MTMR3: variants seen among roughly 807,000 people sequenced by gnomAD.
The protein encoded by MTMR3 is myotubularin related protein 3.
Under a neutral mutation model 132.4 loss-of-function variants are expected in MTMR3, and 32 were observed. The ratio of observed to expected loss-of-function variants is 0.24; its 90% CI spans 0.18 to 0.32. MTMR3 has a LOEUF of 0.32. MTMR3 is among the 10% of genes least tolerant of loss of function. The pLI is 1.00. For synonymous variants in MTMR3, 556 were observed against 550.3 expected (o/e 1.01, Z -0.14); for missense variants, 1,216 against 1,489.6 (o/e 0.82, Z 3.02).
chr22:30,001,210 T>TAGA (rs1315316473), intron 8 of MTMR3: 1 of 152,126 alleles, frequency 6.6e-6, no homozygotes, highest in African/African-American at 2.4e-5. Flanking sequence ...GCTAACACAG[T>TAGA]GAAACCCCGT....
At chr22:30,012,084 A>C in intron 12 of MTMR3, 1 of 296,352 alleles carries the variant, frequency 3.4e-6, no homozygotes, top group South Asian at 5.2e-5. Flanking sequence ...CCATGGACTG[A>C]AAAATGTCAA....
intron 1 of MTMR3, among the ~76,000 whole-genome samples, chr22:29,918,196 A>C (rs961468878): frequency 9.2e-5 from 14 of 152,168 alleles, no homozygotes; most frequent in African/African-American, 3.1e-4. Context: ...GGAAGTGTTG[A>C]GGGGCATCAT....
At chr22:29,955,644 T>C (rs1385413108) in intron 1 of MTMR3, among the ~76,000 whole-genome samples, 2 of 152,242 alleles carry the variant, frequency 1.3e-5, no homozygotes, top group African/African-American at 4.8e-5. Flanking sequence ...TAAAAGTTAT[T>C]GGGGAGACAA....
rs2067924633 is a variant in MTMR3, at chr22:30,027,055, GAT to G, written c.*1257_*1258del. On this transcript the variant is annotated 3_prime_UTR_variant, in exon 20 of 20. Coordinates refer to ENST00000401950, the MANE Select transcript of MTMR3 (RefSeq NM_021090.4). ...AGGGCACCTTTCCTCAGTGAGCTTT[GAT>G]ATGGTCCAAAAACAGCCTTAAATCA... 1 of 152,784 alleles carries G rather than the reference GAT, an allele frequency of 6.5e-6. No homozygotes were observed. The highest frequency in any genetic ancestry group is 1.5e-5 in the Non-Finnish European group (1 of 68,112). The allele number at this position is 152,784 out of a possible 1,614,324, so 9.5% of individuals were successfully genotyped here.
At chr22:29,973,090 A>G (rs962792032) in intron 3 of MTMR3, among the ~76,000 whole-genome samples, 1 of 152,196 alleles carries the variant, frequency 6.6e-6, no homozygotes, top group Non-Finnish European at 1.5e-5. Flanking sequence ...TAGCATTTAG[A>G]GTGTATGTCC....
intron 1 of MTMR3, among the ~76,000 whole-genome samples, chr22:29,887,202 G>A (rs1184898898): frequency 1.3e-5 from 2 of 152,076 alleles, no homozygotes; most frequent in African/African-American, 4.8e-5. Flanking sequence ...CATGAAAGTG[G>A]GTAGATAGTA....
intron 11 of MTMR3, chr22:30,008,732 G>C: frequency 3.4e-6 from 1 of 294,470 alleles, no homozygotes; most frequent in East Asian, 7.7e-5. Context: ...GCCAGAGTGA[G>C]ATCGAAGTAG....
intron 7 of MTMR3, 126 bp downstream of exon 7, chr22:29,991,796 A>C: frequency 2.0e-6 from 2 of 984,282 alleles, no homozygotes; most frequent in Non-Finnish European, 2.8e-6. Flanking sequence ...AGGAGCACCC[A>C]GCAAGTGCGC....
At chr22:29,924,543 G>A (rs1290008123) in intron 1 of MTMR3, among the ~76,000 whole-genome samples, 1 of 152,092 alleles carries the variant, frequency 6.6e-6, no homozygotes, top group African/African-American at 2.4e-5. Flanking sequence ...GCTATTCGGG[G>A]TTCTTTGAAA....
In MTMR3 at chr22:30,020,612, C is replaced by G. The variant is rs375242057; in HGVS notation, c.2953C>G (p.His985Asp). 1.4e-5 allele frequency: 23 copies of G among 1,614,120 alleles called. No homozygotes were observed. In the African/African-American group the frequency reaches 2.9e-4, roughly 21 times the overall value. ...TATGAGCTGCAGCTCTGCCCACTTA[C>G]ACTCAAGGAACTTGCACCACAAGTG... Reference protein sequence around the residue: ...SAMSCSSAHLHSRNLHHKWLH... With the variant: ...SAMSCSSAHLDSRNLHHKWLH... The change falls in exon 17 of 20, where the codon CAC becomes GAC. Residue 985 changes from histidine to aspartate, a missense_variant. This residue lies in a region of MTMR3 where 852 missense variants were observed against 852.0 expected (regional missense o/e 1.00). Transcript: ENST00000401950.
chr22:29,982,935 G>GTTTTTTTT (rs368961635), intron 5 of MTMR3: 1 of 131,216 alleles, frequency 7.6e-6, no homozygotes, highest in African/African-American at 3.0e-5. Flanking sequence ...TTAAAAGTTT[G>GTTTTTTTT]TTTGTGTGTG....
At chr22:29,927,052 T>C (rs2065531139) in intron 1 of MTMR3, among the ~76,000 whole-genome samples, 1 of 152,226 alleles carries the variant, frequency 6.6e-6, no homozygotes, top group Non-Finnish European at 1.5e-5. Context: ...CTTTGGTAGA[T>C]GGATATTCAG....
chr22:29,939,320 G>A (rs1303030275), intron 1 of MTMR3, among the ~76,000 whole-genome samples: 7 of 152,168 alleles, frequency 4.6e-5, no homozygotes, highest in African/African-American at 1.4e-4. Context: ...ACAAAACACC[G>A]TGGGGCCAAA....
intron 8 of MTMR3, 181 bp from the exon 9 acceptor site, chr22:30,002,699 T>C (rs1449480624): frequency 5.7e-6 from 3 of 528,150 alleles, no homozygotes; most frequent in African/African-American, 1.9e-5. Context: ...AACACACTTA[T>C]GGTAACCCAT....
chr22:29,964,878 C>G lies in MTMR3; in HGVS notation c.-84-6098C>G, dbSNP rs11913763. Among the ~76,000 whole-genome samples the G allele has an allele frequency of 6.7e-3, 1,022 of 152,272 alleles. 17 individuals are homozygous for G. The highest frequency in any genetic ancestry group is 0.024 in the African/African-American group (983 of 41,554). ...CTTACTACTATTCACATGATCTTTT[C>G]CTTTACATTTCTCCAACTTCAAGTT... On this transcript the variant is annotated intron_variant, in intron 2 of 19. Transcript: ENST00000401950.
chr22:29,898,739 C>T (rs1469016523), intron 1 of MTMR3, among the ~76,000 whole-genome samples: 4 of 152,076 alleles, frequency 2.6e-5, no homozygotes, highest in Non-Finnish European at 4.4e-5. Context: ...CCTTCCCATC[C>T]TCTCCTCTCT....
rs1198403208 is a variant in MTMR3 at position 30,029,325 on chromosome 22, C to T, written c.*3524C>T. 2 of 152,370 alleles carry T rather than the reference C, an allele frequency of 1.3e-5. No homozygotes were observed. The highest frequency in any genetic ancestry group is 6.5e-5 in the Admixed American group (1 of 15,290). The allele number at this position is 152,370 out of a possible 1,614,324, so 9.4% of individuals were successfully genotyped here. On this transcript the variant is annotated 3_prime_UTR_variant, in exon 20 of 20. Transcript: ENST00000401950. The stretch of plus-strand genomic sequence containing the variant: ...TGTAACTGCAGTCCAAAACAAGTTA[C>T]AGCTGCCTTAATCCACTGAGATTCT...
chr22:29,954,702 A>C (rs1198850979), intron 1 of MTMR3, among the ~76,000 whole-genome samples: 3 of 152,206 alleles, frequency 2.0e-5, no homozygotes, highest in Non-Finnish European at 4.4e-5. Context: ...GATAGCTTTT[A>C]CAGCAGATAT....
At chr22:29,927,935 C>CTTT (rs1448628702) in intron 1 of MTMR3, among the ~76,000 whole-genome samples, 32 of 108,466 alleles carry the variant, frequency 3.0e-4, no homozygotes, top group African/African-American at 9.4e-4. Context: ...AATCTCTAGC[C>CTTT]TTTGTTTTTT....
Sources: gnomAD v4.1 joint callset for allele counts (sites outside exome capture counted in the v4.1 genomes callset) on GRCh38, gnomAD v4.1.1 for gene constraint, gnomAD v4.1.1 regional missense constraint, MANE v1.5 for transcripts, NCBI Gene and HGNC (gene_info 2026-07-23, HGNC 2026-07-21) for gene names.